Variants in GSE1 observed in about 807,000 individuals in gnomAD.
GSE1 encodes genetic suppressor element 1.
Under a neutral mutation model 112.6 loss-of-function variants are expected in GSE1, and 32 were observed. The observed-to-expected ratio is 0.28, with a 90% CI of 0.21 to 0.38. The LOEUF (loss-of-function observed/expected upper bound fraction) is 0.38. Among genes scored for constraint, GSE1 ranks in the 10% least tolerant of loss-of-function variants. The probability of loss-of-function intolerance (pLI) is 1.00; values close to 1 mark genes in which losing one functional copy is unlikely to be tolerated. For synonymous variants in GSE1, 1,115 were observed against 735.6 expected (o/e 1.52, Z -8.35); for missense variants, 2,348 against 1,699.2 (o/e 1.38, Z -6.71).
At chr16:85,397,287 CCA>C (rs2047988733) in intron 2 of GSE1, among the ~76,000 whole-genome samples, 1 of 152,222 alleles carries the variant, frequency 6.6e-6, no homozygotes, top group Non-Finnish European at 1.5e-5. Flanking sequence ...GGGCCCAGGG[CCA>C]CACAGCAGGG....
Position 85,663,004 on chromosome 16 carries a change from T to A in GSE1, c.2284T>A (p.Ser762Thr), listed in dbSNP as rs1360946025. Residue 762 changes from serine (S) to threonine (T), a missense_variant, in exon 10 of 16, where the codon TCT (serine) becomes ACT (threonine). Coordinates refer to ENST00000253458, the MANE Select transcript of GSE1 (RefSeq NM_014615.5). ...AGGGTACTACTACGACCTCGATGACTCTTACGACGAGAGCGATGAGGAGGA... is the reference window on the plus strand; with the variant it reads ...AGGGTACTACTACGACCTCGATGACACTTACGACGAGAGCGATGAGGAGGA... Reference protein sequence around the residue: ...EKGYYYDLDDSYDESDEEEVR... With the variant: ...EKGYYYDLDDTYDESDEEEVR... 2 of 1,612,172 alleles carry A rather than the reference T, an allele frequency of 1.2e-6. No homozygotes were observed. Among genetic ancestry groups the A allele is most frequent in the East Asian group, 2.2e-5 (1 of 44,866 alleles).
intron 1 of GSE1, among the ~76,000 whole-genome samples, chr16:85,191,352 C>T (rs746774567): frequency 2.6e-5 from 4 of 152,120 alleles, no homozygotes; most frequent in Non-Finnish European, 5.9e-5. Context: ...GTGTACAATT[C>T]AATGTTTTTA....
intron 1 of GSE1, among the ~76,000 whole-genome samples, chr16:85,211,205 A>G (rs758537746): frequency 3.3e-5 from 5 of 151,758 alleles, no homozygotes; most frequent in Non-Finnish European, 7.4e-5. Context: ...CCTCACTTCT[A>G]GGGGGGTACC....
At chr16:85,348,909 C>T (rs2046797167) in intron 1 of GSE1, among the ~76,000 whole-genome samples, 1 of 151,972 alleles carries the variant, frequency 6.6e-6, no homozygotes, top group Non-Finnish European at 1.5e-5. Context: ...GAGTCTGATC[C>T]TGACCCCCCA....
chr16:85,663,757 G>A (rs957380339), intron 11 of GSE1, 143 bp downstream of exon 11: 5 of 805,380 alleles, frequency 6.2e-6, no homozygotes, highest in African/African-American at 5.2e-5. Flanking sequence ...CGGCTCCCGG[G>A]AACAGCCTCT....
chr16:85,290,994 G>A (rs2151439702), intron 1 of GSE1, among the ~76,000 whole-genome samples: 1 of 152,370 alleles, frequency 6.6e-6, no homozygotes, highest in East Asian at 1.9e-4. Context: ...AGACAGACAT[G>A]GGAGGGGGCT....
At position 85,634,091 on chromosome 16, in the gene GSE1, C is replaced by A; in HGVS notation, c.185C>A (p.Ala62Asp). ...GCCGCGCCATCCTCCAGCTTTGCCG[C>A]CGCGCTGCGCAAGCTCGCCAAACAG... ...AQAAPSSSFA[A>D]ALRKLAKQAE... Residue 62 changes from alanine (A) to aspartate (D), a missense_variant, in exon 2 of 16, where the codon GCC (alanine) becomes GAC (aspartate). Transcript: ENST00000253458. 1 of 1,589,688 alleles carries A rather than the reference C, an allele frequency of 6.3e-7. No homozygotes were observed. Among genetic ancestry groups the A allele is most frequent in the Non-Finnish European group, 8.5e-7 (1 of 1,170,182 alleles).
intron 1 of GSE1, among the ~76,000 whole-genome samples, chr16:85,222,707 C>T (rs1402353083): frequency 2.6e-5 from 4 of 152,142 alleles, no homozygotes; most frequent in Non-Finnish European, 5.9e-5. Flanking sequence ...AACGTGTCTC[C>T]GTCTCTGCGT....
At chr16:85,428,615 G>A (rs1407048809) in intron 2 of GSE1, among the ~76,000 whole-genome samples, 2 of 152,194 alleles carry the variant, frequency 1.3e-5, no homozygotes, top group Non-Finnish European at 2.9e-5. Flanking sequence ...GCAGGTGAGT[G>A]AGGCTGCAGG....
chr16:85,334,363 G>A (rs2046438404), intron 1 of GSE1, among the ~76,000 whole-genome samples: 2 of 152,208 alleles, frequency 1.3e-5, no homozygotes, highest in Non-Finnish European at 2.9e-5. Flanking sequence ...AGTTTGGACA[G>A]GGCCTGCATG....
chr16:85,590,307 T>A (rs534696175), intron 1 of GSE1, among the ~76,000 whole-genome samples: 4 of 150,714 alleles, frequency 2.7e-5, no homozygotes, highest in Admixed American at 6.6e-5. Flanking sequence ...TGTGAACGCA[T>A]GGGCCCATGT....
intron 1 of GSE1, among the ~76,000 whole-genome samples, chr16:85,234,932 G>A (rs1346665027): frequency 6.6e-6 from 1 of 152,146 alleles, no homozygotes; most frequent in Non-Finnish European, 1.5e-5. Context: ...GCGGAGGGGC[G>A]GGGGTTGCCC....
At chr16:85,398,974 T>C (rs2048029531) in intron 2 of GSE1, among the ~76,000 whole-genome samples, 1 of 152,174 alleles carries the variant, frequency 6.6e-6, no homozygotes, top group Non-Finnish European at 1.5e-5. Flanking sequence ...GGTGTGTGTG[T>C]AGCATGTGCA....
intron 2 of GSE1, among the ~76,000 whole-genome samples, chr16:85,383,445 T>C (rs532917813): frequency 6.7e-6 from 1 of 150,256 alleles, no homozygotes; most frequent in East Asian, 2.0e-4. Context: ...ACGCACGCAT[T>C]CACATGTACA....
chr16:85,616,010 C>G (rs1389215856), intron 1 of GSE1, among the ~76,000 whole-genome samples: 5 of 152,242 alleles, frequency 3.3e-5, no homozygotes, highest in Non-Finnish European at 1.5e-5. Flanking sequence ...TTCCCTGTCT[C>G]TGGGGGAAGT....
chr16:85,485,561 C>T (rs747394621), intron 2 of GSE1, among the ~76,000 whole-genome samples: 18 of 152,246 alleles, frequency 1.2e-4, no homozygotes, highest in East Asian at 7.7e-4. Context: ...GCCCGGCTGC[C>T]GCCGCCGCCG....
chr16:85,237,923 G>A (rs185297255), intron 1 of GSE1, among the ~76,000 whole-genome samples: 9 of 152,266 alleles, frequency 5.9e-5, no homozygotes, highest in Non-Finnish European at 1.2e-4. Context: ...TCCAACCCCA[G>A]CGTCATGAAC....
chr16:85,638,787 C>G (rs1304958613), intron 2 of GSE1, among the ~76,000 whole-genome samples: 1 of 151,958 alleles, frequency 6.6e-6, no homozygotes, highest in Non-Finnish European at 1.5e-5. Context: ...CCGTCCTACC[C>G]CTGTGACCCC....
chr16:85,666,595 G>A (rs529967776), intron 13 of GSE1: 1 of 547,472 alleles, frequency 1.8e-6, no homozygotes, highest in African/African-American at 1.9e-5. Context: ...TGTGAGCAGG[G>A]ACGCATCGAT....
Sources: gnomAD v4.1 joint callset for allele counts (sites outside exome capture counted in the v4.1 genomes callset) on GRCh38, gnomAD v4.1.1 for gene constraint, MANE v1.5 for transcripts, NCBI Gene and HGNC (gene_info 2026-07-23, HGNC 2026-07-21) for gene names.